The following CNBD1 variants were observed in gnomAD, a reference collection of about 807,000 sequenced individuals.
The protein encoded by CNBD1 is cyclic nucleotide-binding domain-containing protein 1.
CNBD1 carries 71 observed loss-of-function variants against 54.4 expected under a neutral mutation model. The observed-to-expected ratio is 1.30, with a 90% confidence interval of 1.08 to 1.59. CNBD1 has a LOEUF of 1.59. Among genes scored for constraint, CNBD1 ranks in the 40% most tolerant of loss-of-function variants. CNBD1 has a pLI of 0.00. For missense variants in CNBD1, 659 were observed against 518.0 expected, an observed-to-expected ratio of 1.27 and a Z score of -2.64; for synonymous variants, 182 against 170.7, an observed-to-expected ratio of 1.07 and a Z score of -0.51.
chr8:87,381,555 C>G (rs902133797), intron 10 of CNBD1, among the ~76,000 whole-genome samples: 2 of 151,712 alleles, frequency 1.3e-5, no homozygotes, highest in African/African-American at 2.4e-5. Flanking sequence ...ATTGGGATCT[C>G]AAAGAGATAT....
chr8:87,088,153 T>C (rs11984899), intron 4 of CNBD1, among the ~76,000 whole-genome samples: 2 of 151,784 alleles, frequency 1.3e-5, no homozygotes, highest in African/African-American at 4.9e-5. Flanking sequence ...TGCTTATTAG[T>C]TTTTTTCCCC....
intron 4 of CNBD1, among the ~76,000 whole-genome samples, chr8:86,961,687 C>G (rs1258719533): frequency 2.0e-5 from 3 of 152,198 alleles, no homozygotes; most frequent in Non-Finnish European, 4.4e-5. Context: ...TTTGTCTTCT[C>G]CCTCCAGAGG....
chr8:86,959,731 A>C (rs1224931319), intron 4 of CNBD1, among the ~76,000 whole-genome samples: 1 of 152,064 alleles, frequency 6.6e-6, no homozygotes, highest in Non-Finnish European at 1.5e-5. Flanking sequence ...TATGCTGTTT[A>C]TTCTAGTTAG....
chr8:87,019,450 G>C (rs1241642988), intron 4 of CNBD1, among the ~76,000 whole-genome samples: 1 of 152,118 alleles, frequency 6.6e-6, no homozygotes, highest in South Asian at 2.1e-4. Context: ...CAATACAAAA[G>C]TGGGGAGAAA....
At position 87,324,722 on chromosome 8, in the gene CNBD1, T is replaced by C. The variant is rs191341984; in HGVS notation, c.1043-26963T>C. Among the ~76,000 whole-genome samples the C allele has an allele frequency of 6.1e-3, 921 of 151,230 alleles. 10 individuals are homozygous for C. The highest frequency in any genetic ancestry group is 0.021 in the African/African-American group (870 of 40,950). On this transcript the variant is annotated intron_variant, in intron 8 of 10. Transcript: ENST00000518476. ...TTTCTTAGTAGTCTTGCTAGCGGTC[T>C]ATCAATTTTGTTGATCCTTTCAAAA...
chr8:86,942,797 A>G (rs1226382126), intron 4 of CNBD1, among the ~76,000 whole-genome samples: 1 of 152,216 alleles, frequency 6.6e-6, no homozygotes, highest in Non-Finnish European at 1.5e-5. Context: ...ATTTAGTAAC[A>G]TCATCAGTCT....
At chr8:87,285,998 G>T (rs539499890) in intron 7 of CNBD1, among the ~76,000 whole-genome samples, 1 of 152,212 alleles carries the variant, frequency 6.6e-6, no homozygotes, top group Non-Finnish European at 1.5e-5. Flanking sequence ...CCATGGTTCA[G>T]TGCTCATGTG....
At chr8:87,189,456 A>G (rs966634091) in intron 4 of CNBD1, among the ~76,000 whole-genome samples, 4 of 152,132 alleles carry the variant, frequency 2.6e-5, no homozygotes, top group African/African-American at 9.7e-5. Flanking sequence ...AATGAAAGGA[A>G]ATATGCTACT....
intron 4 of CNBD1, among the ~76,000 whole-genome samples, chr8:86,955,234 G>C (rs1807733530): frequency 6.6e-6 from 1 of 152,080 alleles, no homozygotes; most frequent in Admixed American, 6.6e-5. Context: ...GTATATCATT[G>C]ATGGACATTT....
chr8:87,346,444 T>C (rs1344318896), intron 8 of CNBD1, among the ~76,000 whole-genome samples: 1 of 152,032 alleles, frequency 6.6e-6, no homozygotes, highest in Non-Finnish European at 1.5e-5. Context: ...CTAAAATTTC[T>C]ATTTGGTTAT....
chr8:87,150,268 A>G (rs1400695246), intron 4 of CNBD1, among the ~76,000 whole-genome samples: 1 of 152,180 alleles, frequency 6.6e-6, no homozygotes. Flanking sequence ...TAGAAAGCCC[A>G]TATCATTAGG....
intron 4 of CNBD1, among the ~76,000 whole-genome samples, chr8:87,085,549 T>C (rs1157487120): frequency 6.6e-6 from 1 of 152,222 alleles, no homozygotes; most frequent in African/African-American, 2.4e-5. Context: ...TTTATTCTTA[T>C]GGTTATCCTC....
intron 8 of CNBD1, among the ~76,000 whole-genome samples, chr8:87,301,063 A>G (rs925272758): frequency 1.3e-5 from 2 of 152,182 alleles, no homozygotes; most frequent in African/African-American, 2.4e-5. Context: ...CAAGGCTACT[A>G]TGAACACCTT....
chr8:86,941,162 A>C (rs1238247986), intron 4 of CNBD1, among the ~76,000 whole-genome samples: 1 of 152,198 alleles, frequency 6.6e-6, no homozygotes, highest in Admixed American at 6.5e-5. Flanking sequence ...AATAACAAAA[A>C]GGAAACAATG....
chr8:87,380,764 T>A (rs943920436), intron 10 of CNBD1, among the ~76,000 whole-genome samples: 2 of 152,010 alleles, frequency 1.3e-5, no homozygotes. Flanking sequence ...TATTTTATTG[T>A]TTTTTAGGAC....
intron 8 of CNBD1, among the ~76,000 whole-genome samples, chr8:87,337,119 G>A (rs1331005449): frequency 1.3e-5 from 2 of 152,142 alleles, no homozygotes; most frequent in East Asian, 1.9e-4. Flanking sequence ...CCTGATACCA[G>A]TAGGAATGCT....
chr8:87,253,639 G>A lies in CNBD1; in HGVS notation c.771+16527G>A, dbSNP rs1048443984. ...CCTGACTGGTAGAGAGGGAAATAATGAAGGAATTGTTTTAAGAAGGTTAAT... is the reference window on the plus strand; with the variant it reads ...CCTGACTGGTAGAGAGGGAAATAATAAAGGAATTGTTTTAAGAAGGTTAAT... On this transcript the variant is annotated intron_variant, in intron 6 of 10. Transcript: ENST00000518476. Among the ~76,000 whole-genome samples, 5 of 152,130 alleles carry A rather than the reference G, an allele frequency of 3.3e-5. No individual in the cohort carries two copies. The South Asian group carries it at 8.3e-4, about 25-fold the overall frequency.
At chr8:87,097,299 G>A (rs928803750) in intron 4 of CNBD1, among the ~76,000 whole-genome samples, 1 of 152,076 alleles carries the variant, frequency 6.6e-6, no homozygotes, top group African/African-American at 2.4e-5. Flanking sequence ...TCTAAGGACT[G>A]GAAAATTTTC....
intron 8 of CNBD1, among the ~76,000 whole-genome samples, chr8:87,297,065 C>A (rs1253197190): frequency 6.7e-6 from 1 of 149,244 alleles, no homozygotes; most frequent in East Asian, 2.0e-4. Context: ...GTAGTCCCAG[C>A]TACTCCGGAG....
Sources: allele counts gnomAD v4.1 joint callset (sites outside exome capture counted in the v4.1 genomes callset), GRCh38; gene constraint gnomAD v4.1.1; transcripts MANE v1.5; gene names NCBI Gene and HGNC (gene_info 2026-07-23, HGNC 2026-07-21).